The following PIK3CA variants were observed in gnomAD, a reference collection of about 807,000 sequenced individuals.
The protein encoded by PIK3CA is phosphatidylinositol-4,5-bisphosphate 3-kinase catalytic subunit alpha, also known as phosphatidylinositol 4,5-bisphosphate 3-kinase catalytic subunit alpha isoform.
PIK3CA carries 27 observed loss-of-function variants against 138.2 expected under a neutral mutation model. The observed-to-expected ratio is 0.20, with a 90% CI of 0.14 to 0.27. The LOEUF is 0.27. Ranked by LOEUF, PIK3CA falls within the 10% of genes least tolerant of loss-of-function variation. The pLI, the probability that PIK3CA is intolerant of heterozygous loss-of-function variation, is 1.00. For missense variants in PIK3CA, 544 were observed against 1,277.4 expected (o/e 0.43, Z 8.75); for synonymous variants, 358 against 413.2 (o/e 0.87, Z 1.62).
rs1201983675 is a variant in PIK3CA, at chr3:179,220,785, A to G, written c.2016-201A>G. On this transcript the variant is annotated intron_variant, in intron 13 of 20. Coordinates refer to ENST00000263967, the MANE Select transcript of PIK3CA (RefSeq NM_006218.4). The surrounding 1 kb of genome is among the most constrained non-coding windows in gnomAD (Gnocchi z 4.1). Reference sequence around the variant, plus strand: ...AAATAAACCTAAAAACTAGATGTTTATTTAATCACATATTCAGGAACTACC... The same window carrying G: ...AAATAAACCTAAAAACTAGATGTTTGTTTAATCACATATTCAGGAACTACC... 1.3e-5 allele frequency among the ~76,000 whole-genome samples: 2 copies of G among 152,174 alleles called. No individual in the cohort carries two copies. The highest frequency in any genetic ancestry group is 2.4e-5 in the African/African-American group (1 of 41,456).
intron 5 of PIK3CA, 30 bp from the exon 6 acceptor site, chr3:179,204,473 C>T (rs1724503913): frequency 2.9e-6 from 3 of 1,030,834 alleles, no homozygotes; most frequent in African/African-American, 1.6e-5. Context: ...TGAGTGTATA[C>T]ATTAGTATAT....
rs762441276 is a variant in PIK3CA, at chr3:179,230,281, T to C, written c.2841T>C (p.Tyr947=). ...FLDHKKKKFG[Y]KRERVPFVLT... ...ATCACAAGAAGAAAAAATTTGGTTA[T>C]AAACGAGAACGTGTGCCATTTGTTT... The change falls in exon 20 of 21, where the codon TAT becomes TAC. Residue 947 remains tyrosine (Y), a synonymous_variant. Coordinates refer to ENST00000263967, the MANE Select transcript of PIK3CA (RefSeq NM_006218.4). The surrounding 1 kb of genome is among the most constrained non-coding windows in gnomAD (Gnocchi z 5.4). 6.2e-7 allele frequency: 1 copy of C among 1,611,742 alleles called. No individual in the cohort carries two copies. Among genetic ancestry groups the C allele is most frequent in the South Asian group, 1.1e-5 (1 of 90,738 alleles).
intron 9 of PIK3CA, 36 bp downstream of exon 9, chr3:179,210,601 A>ACC (rs763212399): frequency 1.3e-6 from 2 of 1,599,206 alleles, no homozygotes; most frequent in Non-Finnish European, 1.7e-6. Context: ...AGTATCAATT[A>ACC]TAATCTGTGG....
rs751353057 is a variant in PIK3CA at position 179,206,086 on chromosome 3, C to CTTT, written c.1145+1519_1145+1521dup. Reference sequence around the variant, plus strand: ...TTGTGACAACAAACAACTTCAGGATCTTTTTTTTTTTTTTTTTTTTTTTGA... The same window carrying CTTT: ...TTGTGACAACAAACAACTTCAGGATCTTTTTTTTTTTTTTTTTTTTTTTTTTGA... On this transcript the variant is annotated intron_variant, in intron 6 of 20. Transcript: ENST00000263967. Among the ~76,000 whole-genome samples the CTTT allele has an allele frequency of 1.6e-3, 169 of 105,126 alleles. 1 individual carries two copies. Among genetic ancestry groups the CTTT allele is most frequent in the African/African-American group, 2.5e-3 (65 of 26,286 alleles). The allele number at this position is 105,126 out of a possible 152,430, so 69.0% of individuals were successfully genotyped here.
intron 9 of PIK3CA, among the ~76,000 whole-genome samples, chr3:179,211,159 T>A (rs1166481968): frequency 1.3e-5 from 2 of 152,204 alleles, no homozygotes; most frequent in African/African-American, 4.8e-5. Flanking sequence ...TACACAAATC[T>A]ATTATAAAAA....
At chr3:179,180,731 A>C (rs1002818038) in intron 1 of PIK3CA, among the ~76,000 whole-genome samples, 1 of 152,166 alleles carries the variant, frequency 6.6e-6, no homozygotes, top group Admixed American at 6.5e-5. Context: ...CAAATGAAAC[A>C]ATTAAAGGAG....
intron 1 of PIK3CA, among the ~76,000 whole-genome samples, chr3:179,168,687 A>G (rs1416034078): frequency 6.6e-6 from 1 of 151,994 alleles, no homozygotes; most frequent in South Asian, 2.1e-4. Flanking sequence ...TGTTCTAGCA[A>G]TTTTTTAAAT....
At chr3:179,172,489 AAG>A (rs1419941690) in intron 1 of PIK3CA, among the ~76,000 whole-genome samples, 3 of 139,924 alleles carry the variant, frequency 2.1e-5, no homozygotes, top group African/African-American at 5.9e-5. Context: ...ATCTACCAAA[AAG>A]AAAAAAAAAA....
At chr3:179,152,011 T>C (rs1325423428) in intron 1 of PIK3CA, among the ~76,000 whole-genome samples, 1 of 152,220 alleles carries the variant, frequency 6.6e-6, no homozygotes, top group African/African-American at 2.4e-5. Flanking sequence ...AGTATTCTTA[T>C]TGCCAAGCAC....
intron 9 of PIK3CA, among the ~76,000 whole-genome samples, chr3:179,211,398 C>T (rs974712354): frequency 6.6e-6 from 1 of 152,152 alleles, no homozygotes; most frequent in Non-Finnish European, 1.5e-5. Flanking sequence ...AGGCTGGGTG[C>T]AGTGGCTCAT....
rs1201015891 is a variant in PIK3CA at position 179,221,139 on chromosome 3, G to A, written c.2169G>A (p.Lys723=). The A allele has an allele frequency of 1.8e-5, 29 of 1,612,832 alleles. No homozygotes were observed. Among genetic ancestry groups the A allele is most frequent in the Non-Finnish European group, 2.2e-5 (26 of 1,179,114 alleles). The change falls in exon 14 of 21, where the codon AAG becomes AAA. Residue 723 remains lysine (K), a synonymous_variant. Transcript: ENST00000263967. ...INLTDILKQE[K]KDETQKVQMK... Reference sequence around the variant, plus strand: ...TAACTGACATTCTCAAACAGGAGAAGAAGGATGAAACACAAAAGGTGTGTG... The same window carrying A: ...TAACTGACATTCTCAAACAGGAGAAAAAGGATGAAACACAAAAGGTGTGTG...
chr3:179,175,820 T>G (rs77244329), intron 1 of PIK3CA, among the ~76,000 whole-genome samples: 1 of 152,128 alleles, frequency 6.6e-6, no homozygotes, highest in Non-Finnish European at 1.5e-5. Context: ...CCCATCATTC[T>G]CTGTTTCTCA....
intron 1 of PIK3CA, among the ~76,000 whole-genome samples, chr3:179,182,566 G>A (rs1325868302): frequency 6.6e-6 from 1 of 152,052 alleles, no homozygotes; most frequent in Non-Finnish European, 1.5e-5. Flanking sequence ...CTAGCTACTC[G>A]TGAAGCTGAG....
Position 179,238,164 on chromosome 3 carries a change from G to C in PIK3CA, c.*3800G>C, listed in dbSNP as rs1433935347. On this transcript the variant is annotated 3_prime_UTR_variant, in exon 21 of 21. Transcript: ENST00000263967. Reference sequence around the variant, plus strand: ...TCTTTAAGAGAAGGCTGAAAGTTGTGAGAGTATATTGTATACCGTAAGAGA... The same window carrying C: ...TCTTTAAGAGAAGGCTGAAAGTTGTCAGAGTATATTGTATACCGTAAGAGA... 4.5e-6 allele frequency: 1 copy of C among 223,332 alleles called. No homozygotes were observed. Among genetic ancestry groups the C allele is most frequent in the Non-Finnish European group, 9.0e-6 (1 of 111,730 alleles). The allele number at this position is 223,332 out of a possible 1,614,324, so 13.8% of individuals were successfully genotyped here. A position where few individuals can be genotyped will look rare whatever the true frequency, so the allele number is the denominator to read the frequency against.
intron 1 of PIK3CA, among the ~76,000 whole-genome samples, chr3:179,163,523 C>T (rs920756645): frequency 1.3e-5 from 2 of 152,074 alleles, no homozygotes; most frequent in Non-Finnish European, 2.9e-5. Flanking sequence ...CTTTCTCTCA[C>T]CTCCTCTCCC....
intron 1 of PIK3CA, chr3:179,149,786 G>C (rs1359861634): frequency 6.6e-6 from 1 of 152,098 alleles, no homozygotes; most frequent in East Asian, 1.9e-4. Context: ...GGGCAATATT[G>C]GTCATATGTT....
chr3:179,181,655 ATT>A (rs1723849041), intron 1 of PIK3CA, among the ~76,000 whole-genome samples: 1 of 152,172 alleles, frequency 6.6e-6, no homozygotes, highest in Admixed American at 6.5e-5. Flanking sequence ...AACTTCCAAT[ATT>A]GACAGTGGAG....
At chr3:179,218,102 A>C in intron 9 of PIK3CA, 108 bp from the exon 10 acceptor site, 4 of 1,009,208 alleles carry the variant, frequency 4.0e-6, no homozygotes, top group Non-Finnish European at 2.7e-6. Flanking sequence ...TTAATTAGCA[A>C]TGTAAAATTT....
chr3:179,231,198 C>T (rs1725202601), intron 20 of PIK3CA, among the ~76,000 whole-genome samples: 1 of 152,180 alleles, frequency 6.6e-6, no homozygotes, highest in South Asian at 2.1e-4. Flanking sequence ...TTTATCCACT[C>T]ATTGGTCAGT....
Sources: allele counts gnomAD v4.1 joint callset (sites outside exome capture counted in the v4.1 genomes callset), GRCh38; gene constraint gnomAD v4.1.1; non-coding constraint Gnocchi (gnomAD v3.1); transcripts MANE v1.5; gene names NCBI Gene and HGNC (gene_info 2026-07-23, HGNC 2026-07-21).